The following HLCS variants were observed in gnomAD, a reference collection of about 807,000 sequenced individuals.
HLCS encodes the protein holocarboxylase synthetase, also known as biotin--protein ligase.
HLCS carries 53 observed loss-of-function variants against 75.0 expected under a neutral mutation model. That is an observed-to-expected ratio of 0.71 (90% CI 0.57 to 0.89). The LOEUF is 0.89. HLCS is among the 40% of genes least tolerant of loss of function. The pLI, the probability that HLCS is intolerant of heterozygous loss-of-function variation, is 0.00. For missense variants in HLCS, 966 were observed against 1,074.0 expected, an observed-to-expected ratio of 0.90 and a Z score of 1.41; for synonymous variants, 431 against 428.6, an observed-to-expected ratio of 1.01 and a Z score of -0.07.
intron 5 of HLCS, among the ~76,000 whole-genome samples, chr21:36,905,306 T>C (rs149239072): frequency 7.6e-4 from 116 of 152,242 alleles, no homozygotes; most frequent in African/African-American, 2.6e-3. Context: ...AGATAGGTAA[T>C]CAAGAGGTAA....
chr21:36,979,948 C>G (rs903924385), intron 1 of HLCS, among the ~76,000 whole-genome samples: 6 of 137,688 alleles, frequency 4.4e-5, no homozygotes, highest in African/African-American at 1.4e-4. Context: ...CCAGCTACTC[C>G]TGGGGAGGTC....
intron 6 of HLCS, among the ~76,000 whole-genome samples, chr21:36,868,192 G>A (rs75346609): frequency 6.8e-6 from 1 of 146,280 alleles, no homozygotes. Flanking sequence ...GGGGAAAAAG[G>A]AAGGGAAAAG....
At chr21:36,783,989 G>C (rs1056607251) in intron 6 of HLCS, among the ~76,000 whole-genome samples, 5 of 152,176 alleles carry the variant, frequency 3.3e-5, no homozygotes, top group Non-Finnish European at 7.3e-5. Flanking sequence ...GGGCCATGGG[G>C]AAGGGGTATC....
chr21:36,978,431 T>A (rs1240681515), intron 1 of HLCS, among the ~76,000 whole-genome samples: 1 of 151,442 alleles, frequency 6.6e-6, no homozygotes, highest in Non-Finnish European at 1.5e-5. Context: ...GAAACAGAGG[T>A]TGCAGTGAGC....
chr21:36,952,053 T>C (rs747888274), intron 2 of HLCS, among the ~76,000 whole-genome samples: 15 of 152,246 alleles, frequency 9.9e-5, no homozygotes, highest in Non-Finnish European at 2.1e-4. Flanking sequence ...TTTAAATATC[T>C]TTAAGAGTTG....
chr21:36,780,508 G>A (rs557887915), intron 6 of HLCS, among the ~76,000 whole-genome samples: 13 of 152,212 alleles, frequency 8.5e-5, no homozygotes, highest in African/African-American at 2.7e-4. Flanking sequence ...ATAAGCCACC[G>A]CACCCGGCTC....
intron 2 of HLCS, chr21:36,947,411 T>C (rs2067455965): frequency 1.0e-5 from 10 of 985,376 alleles, no homozygotes; most frequent in Non-Finnish European, 1.2e-5. Flanking sequence ...CGCTGGGTGC[T>C]CCGATCAAAG....
intron 1 of HLCS, among the ~76,000 whole-genome samples, chr21:36,973,277 A>G (rs1251244658): frequency 8.0e-6 from 1 of 124,912 alleles, no homozygotes; most frequent in Non-Finnish European, 1.6e-5. Flanking sequence ...GAGAATAGGT[A>G]TTTGTAACAC....
intron 6 of HLCS, among the ~76,000 whole-genome samples, chr21:36,823,207 G>T (rs376126145): frequency 1.3e-5 from 2 of 152,124 alleles, no homozygotes; most frequent in South Asian, 2.1e-4. Flanking sequence ...CTGCTTATTT[G>T]GATAATGATG....
At chr21:36,922,970 C>T (rs1339618943) in intron 5 of HLCS, among the ~76,000 whole-genome samples, 5 of 152,216 alleles carry the variant, frequency 3.3e-5, no homozygotes, top group Admixed American at 1.3e-4. Context: ...TCTCAGACCC[C>T]GACATTCCTG....
chr21:36,761,469 G>C (rs2089841265), intron 8 of HLCS, among the ~76,000 whole-genome samples: 3 of 152,024 alleles, frequency 2.0e-5, no homozygotes, highest in Admixed American at 2.0e-4. Flanking sequence ...TGGGGGGTGC[G>C]CAATGACCCA....
chr21:36,783,203 G>A lies in HLCS; in HGVS notation c.1893-15918C>T, dbSNP rs185970996. On this transcript the variant is annotated intron_variant, in intron 6 of 10. Coordinates refer to ENST00000674895, the MANE Select transcript of HLCS (RefSeq NM_001352514.2). The stretch of plus-strand genomic sequence containing the variant: ...TCAAACAATGCTGCCCATCAGAATC[G>A]CCTGCAGTTTTAAAACACAAAGCAA... 5.3e-5 allele frequency among the ~76,000 whole-genome samples: 8 copies of A among 152,070 alleles called. No individual in the cohort carries two copies. In the East Asian group the frequency reaches 1.5e-3, roughly 29 times the overall value.
At chr21:36,856,090 T>C (rs1277417998) in intron 6 of HLCS, among the ~76,000 whole-genome samples, 1 of 152,126 alleles carries the variant, frequency 6.6e-6, no homozygotes, top group Non-Finnish European at 1.5e-5. Context: ...GGGGAGTGAC[T>C]GCTAATGGGT....
Position 36,749,233 on chromosome 21 carries a change from C to T in HLCS, c.*5013G>A, listed in dbSNP as rs2089289554. ...TTAAAGATCTCAACATGGAAAAATC[C>T]TGTCATGGCTCTGAACTGCACAATG... On this transcript the variant is annotated 3_prime_UTR_variant, in exon 11 of 11. Transcript: ENST00000674895. 6.6e-6 allele frequency: 1 copy of T among 152,648 alleles called. No homozygotes were observed. The highest frequency in any genetic ancestry group is 1.5e-5 in the Non-Finnish European group (1 of 68,042). The allele number at this position is 152,648 out of a possible 1,614,324, so 9.5% of individuals were successfully genotyped here. A position where few individuals can be genotyped will look rare whatever the true frequency, so the allele number is the denominator to read the frequency against.
intron 5 of HLCS, among the ~76,000 whole-genome samples, chr21:36,926,134 G>C (rs1402887004): frequency 1.3e-5 from 2 of 152,210 alleles, no homozygotes; most frequent in Non-Finnish European, 1.5e-5. Flanking sequence ...ACCAACATCT[G>C]CAGAGAGGAA....
intron 7 of HLCS, 29 bp downstream of exon 7, chr21:36,767,188 TA>T (rs778084622): frequency 1.4e-5 from 22 of 1,608,116 alleles, no homozygotes; most frequent in Non-Finnish European, 1.7e-5. Flanking sequence ...AAAACAGAAG[TA>T]ACAGCAATGA....
Position 36,935,268 on chromosome 21 carries a change from A to G in HLCS, c.1437+1181T>C, listed in dbSNP as rs527713639. ...CCAAAAGCTAATTCATGTGGCCTGC[A>G]GCACTGCAGGAAACCTGCTTGGGCT... On this transcript the variant is annotated intron_variant, in intron 4 of 10. Coordinates refer to ENST00000674895, the MANE Select transcript of HLCS (RefSeq NM_001352514.2). Among the ~76,000 whole-genome samples the G allele has an allele frequency of 3.9e-5, 6 of 152,390 alleles. No individual in the cohort carries two copies. In the South Asian group the frequency reaches 1.0e-3, roughly 26 times the overall value.
rs1324787722 is a variant in HLCS at position 36,896,885 on chromosome 21, G to C, written c.1867C>G (p.Pro623Ala). Residue 623 changes from proline to alanine, a missense_variant, in exon 6 of 11, where the codon CCC becomes GCC. Pro to Ala is a conservative substitution (Grantham distance 27). Coordinates refer to ENST00000674895, the MANE Select transcript of HLCS (RefSeq NM_001352514.2). ...CCATCCAGGAGACGCATCGTTGTGG[G>C]GGTCACTTCGGCAAACAAAATTACT... ...GKVILFAEVT[P>A]TTMRLLDGLM... 1 of 1,614,016 alleles carries C rather than the reference G, an allele frequency of 6.2e-7. No homozygotes were observed. Among genetic ancestry groups the C allele is most frequent in the Non-Finnish European group, 8.5e-7 (1 of 1,180,028 alleles).
chr21:36,808,454 A>C (rs2061421501), intron 6 of HLCS, among the ~76,000 whole-genome samples: 1 of 152,142 alleles, frequency 6.6e-6, no homozygotes. Flanking sequence ...ATTTATTTAC[A>C]TTTTTAAGTT....
Sources: allele counts gnomAD v4.1 joint callset (sites outside exome capture counted in the v4.1 genomes callset), GRCh38; gene constraint gnomAD v4.1.1; transcripts MANE v1.5; gene names NCBI Gene and HGNC (gene_info 2026-07-23, HGNC 2026-07-21).